Variants in RAB27A observed in about 807,000 individuals in gnomAD.
The protein encoded by RAB27A is RAB27A, member RAS oncogene family.
A neutral mutation model predicts 20.8 loss-of-function variants in RAB27A; 17 were observed. That is an observed-to-expected ratio of 0.82 (90% CI 0.56 to 1.23). The LOEUF is 1.23. Among genes scored for constraint, RAB27A ranks in the 50% most tolerant of loss-of-function variants. The pLI is 0.00. For missense variants in RAB27A, 277 were observed against 266.7 expected (o/e 1.04, Z -0.27); for synonymous variants, 85 against 92.8 (o/e 0.92, Z 0.48).
chr15:55,210,963 G>A (rs1894999027), intron 6 of RAB27A, among the ~76,000 whole-genome samples: 1 of 152,106 alleles, frequency 6.6e-6, no homozygotes, highest in Admixed American at 6.5e-5. Context: ...TAGGGGTCTA[G>A]TTACATTGTT....
intron 2 of RAB27A, among the ~76,000 whole-genome samples, chr15:55,237,063 C>G (rs182025834): frequency 6.6e-6 from 1 of 152,102 alleles, no homozygotes; most frequent in African/African-American, 2.4e-5. Flanking sequence ...TTAACACTGA[C>G]GACTCTACAT....
At chr15:55,284,676 T>C (rs1240212283) in intron 1 of RAB27A, among the ~76,000 whole-genome samples, 1 of 152,150 alleles carries the variant, frequency 6.6e-6, no homozygotes, top group Non-Finnish European at 1.5e-5. Flanking sequence ...GAGATGTGAT[T>C]AAAGGTCAAC....
chr15:55,301,765 C>T (rs73415503), intron 2 of RAB27A, among the ~76,000 whole-genome samples: 7,704 of 150,492 alleles, frequency 0.051, 644 homozygotes, highest in African/African-American at 0.18. Context: ...CCTCCCTCAA[C>T]GTCCTGAGTA....
At chr15:55,226,941 A>G (rs1163019187) in intron 5 of RAB27A, among the ~76,000 whole-genome samples, 1 of 152,150 alleles carries the variant, frequency 6.6e-6, no homozygotes, top group African/African-American at 2.4e-5. Context: ...AGAAGAAAAA[A>G]ATAAAAGTAC....
At position 55,303,450 on chromosome 15, in the gene RAB27A, C is replaced by T. The variant is rs529533758; in HGVS notation, c.-112+10589G>A. 1.2e-4 allele frequency among the ~76,000 whole-genome samples: 7 copies of T among 58,738 alleles called. 3 individuals carry two copies. In the East Asian group the frequency reaches 4.7e-3, roughly 40 times the overall value. 38.5% of individuals were successfully genotyped at this position (58,738 alleles called of 152,430 possible). A position where few individuals can be genotyped will look rare whatever the true frequency, so the allele number is the denominator to read the frequency against. ...GGAGGGAGTTGGGGTGTCAGCCCTC[C>T]GCCCGGCCAGCCGCCCCGTCTGGGA... On this transcript the variant is annotated intron_variant, in intron 2 of 5. Transcript: ENST00000563262.
intron 2 of RAB27A, among the ~76,000 whole-genome samples, chr15:55,250,153 G>A (rs1896833984): frequency 1.3e-5 from 2 of 151,954 alleles, no homozygotes; most frequent in Non-Finnish European, 2.9e-5. Context: ...TAGTAGAGAT[G>A]GCGTTTCACT....
At chr15:55,237,169 C>T (rs1400690175) in intron 2 of RAB27A, 1 of 152,218 alleles carries the variant, frequency 6.6e-6, no homozygotes, top group Non-Finnish European at 1.5e-5. Context: ...TTTTACCCAG[C>T]ACCATATCCA....
At chr15:55,273,280 G>A (rs923193965) in intron 1 of RAB27A, among the ~76,000 whole-genome samples, 4 of 151,532 alleles carry the variant, frequency 2.6e-5, no homozygotes, top group African/African-American at 7.3e-5. Context: ...ATGGTGGAGG[G>A]CACCTGTGAT....
rs371157277 is a variant in RAB27A, at chr15:55,283,155, G to T, written c.-143+6561C>A. On this transcript the variant is annotated intron_variant, in intron 1 of 6. Transcript: ENST00000336787. ...TAGGCAGGATAATCCTTTGTTGGGG[G>T]CTCTCCTGTGTACTGAGAATGTTTT... 2.6e-5 allele frequency among the ~76,000 whole-genome samples: 4 copies of T among 152,160 alleles called. No homozygotes were observed. In the South Asian group the frequency reaches 6.2e-4, roughly 24 times the overall value.
At chr15:55,250,260 G>A (rs1432479997) in intron 2 of RAB27A, among the ~76,000 whole-genome samples, 3 of 151,764 alleles carry the variant, frequency 2.0e-5, no homozygotes, top group African/African-American at 7.3e-5. Context: ...CACTGCGCCT[G>A]GACTCCTTCT....
At chr15:55,224,913 T>C (rs543305863) in intron 5 of RAB27A, among the ~76,000 whole-genome samples, 12 of 152,324 alleles carry the variant, frequency 7.9e-5, no homozygotes, top group African/African-American at 2.9e-4. Context: ...TATCTTATCA[T>C]GAGAAAGTCA....
chr15:55,287,516 G>A (rs896567691), intron 1 of RAB27A, among the ~76,000 whole-genome samples: 1 of 152,112 alleles, frequency 6.6e-6, no homozygotes, highest in African/African-American at 2.4e-5. Flanking sequence ...GGGAGGCTGA[G>A]GCAGACAGAT....
chr15:55,286,971 G>A (rs1197224169), intron 1 of RAB27A, among the ~76,000 whole-genome samples: 1 of 132,260 alleles, frequency 7.6e-6, no homozygotes, highest in South Asian at 2.5e-4. Context: ...CCAGGCTGGA[G>A]TGCAATGGCA....
intron 6 of RAB27A, among the ~76,000 whole-genome samples, chr15:55,215,651 C>CAAAAAAAAAA (rs562538229): frequency 1.3e-5 from 1 of 76,612 alleles, no homozygotes; most frequent in Non-Finnish European, 2.5e-5. Context: ...GACTCCGTCT[C>CAAAAAAAAAA]AAAAAAAAAA....
intron 1 of RAB27A, among the ~76,000 whole-genome samples, chr15:55,318,329 C>T (rs1221857858): frequency 6.6e-6 from 1 of 151,214 alleles, no homozygotes; most frequent in Non-Finnish European, 1.5e-5. Flanking sequence ...GATCCTCTGA[C>T]CTCCTGATCC....
At chr15:55,290,675 T>C (rs539545952), upstream of RAB27A, among the ~76,000 whole-genome samples, 3 of 152,254 alleles carry the variant, frequency 2.0e-5, no homozygotes, top group East Asian at 5.8e-4. Flanking sequence ...GCCTGCGGGG[T>C]AGTGAACCTG....
At chr15:55,236,935 T>G (rs1158465193) in intron 2 of RAB27A, among the ~76,000 whole-genome samples, 1 of 152,140 alleles carries the variant, frequency 6.6e-6, no homozygotes, top group Non-Finnish European at 1.5e-5. Context: ...CTGTTGAACA[T>G]TAGAACTTAT....
intron 2 of RAB27A, among the ~76,000 whole-genome samples, chr15:55,266,127 T>C (rs895437130): frequency 6.6e-6 from 1 of 152,202 alleles, no homozygotes; most frequent in Non-Finnish European, 1.5e-5. Flanking sequence ...GGCAGGTCTT[T>C]GGGAAGTAAT....
intron 2 of RAB27A, among the ~76,000 whole-genome samples, chr15:55,310,362 G>A (rs1177696648): frequency 2.0e-5 from 3 of 152,254 alleles, no homozygotes; most frequent in South Asian, 2.1e-4. Context: ...GTGATGGCAT[G>A]GGCTGGCACT....
Sources: allele counts gnomAD v4.1 joint callset (sites outside exome capture counted in the v4.1 genomes callset), GRCh38; gene constraint gnomAD v4.1.1; transcripts MANE v1.5; gene names NCBI Gene and HGNC (gene_info 2026-07-23, HGNC 2026-07-21).